Variants in CELF2 observed in about 807,000 individuals in gnomAD.
The protein encoded by CELF2 is CUG triplet repeat RNA-binding protein 2.
In CELF2, 8 loss-of-function variants were observed where a neutral mutation model predicts 62.6. The ratio of observed to expected loss-of-function variants is 0.13; its 90% CI spans 0.07 to 0.23. The LOEUF (loss-of-function observed/expected upper bound fraction) is 0.23. Ranked by LOEUF, CELF2 falls within the 10% of genes least tolerant of loss-of-function variation. The pLI, the probability that CELF2 is intolerant of heterozygous loss-of-function variation, is 1.00. For synonymous variants in CELF2, 258 were observed against 250.0 expected, an observed-to-expected ratio of 1.03 and a Z score of -0.30; for missense variants, 333 against 671.0, an observed-to-expected ratio of 0.50 and a Z score of 5.56.
At chr10:11,286,684 A>G (rs2139565803) in intron 8 of CELF2, among the ~76,000 whole-genome samples, 2 of 152,278 alleles carry the variant, frequency 1.3e-5, no homozygotes, top group South Asian at 4.2e-4. Context: ...GCACTGTGTG[A>G]CCCTTGACGA....
At chr10:10,724,034 T>C in the CELF2 span, among the ~76,000 whole-genome samples, 1 of 152,212 alleles carries the variant, frequency 6.6e-6, no homozygotes, top group African/African-American at 2.4e-5. Flanking sequence ...GTTGAATTCT[T>C]CACATTTATG....
chr10:10,546,443 G>C, the CELF2 span, among the ~76,000 whole-genome samples: 1 of 152,146 alleles, frequency 6.6e-6, no homozygotes, highest in African/African-American at 2.4e-5. Context: ...AGTTTTCATG[G>C]TCATTGGTGA....
At chr10:11,273,714 T>TG (rs1555042452) in intron 7 of CELF2, among the ~76,000 whole-genome samples, 4 of 143,406 alleles carry the variant, frequency 2.8e-5, no homozygotes, top group African/African-American at 5.4e-5. Flanking sequence ...CTGAAAGTTT[T>TG]GTTTTTTTGT....
Position 11,297,737 on chromosome 10 carries a change from G to A in CELF2, c.976+9185G>A, listed in dbSNP as rs745780676. On this transcript the variant is annotated intron_variant, in intron 9 of 12. Coordinates refer to ENST00000633077, the MANE Select transcript of CELF2 (RefSeq NM_001326342.2). This position sits in a 1 kb window ranked among gnomAD's most constrained non-coding sequence, Gnocchi z 4.4. ...TGTAATCCCAGCACTTTGGGAGGCT[G>A]AGGCAGGAGTTCCTTGAGGAACTCC... is the stretch of plus-strand genomic sequence containing the variant. Among the ~76,000 whole-genome samples the A allele has an allele frequency of 6.6e-6, 1 of 152,226 alleles. No homozygotes were observed. Among genetic ancestry groups the A allele is most frequent in the Non-Finnish European group, 1.5e-5 (1 of 68,038 alleles).
At chr10:10,591,448 A>T in the CELF2 span, among the ~76,000 whole-genome samples, 1 of 152,150 alleles carries the variant, frequency 6.6e-6, no homozygotes, top group African/African-American at 2.4e-5. Flanking sequence ...GTATACATAC[A>T]TATAGATGTA....
chr10:10,623,928 G>A, the CELF2 span, among the ~76,000 whole-genome samples: 2 of 152,218 alleles, frequency 1.3e-5, no homozygotes, highest in East Asian at 3.8e-4. Flanking sequence ...AACCCAGGTA[G>A]TCTGACTGCA....
chr10:11,009,317 T>TTGTG (rs753208265), intron 1 of CELF2, among the ~76,000 whole-genome samples: 4 of 133,774 alleles, frequency 3.0e-5, no homozygotes, highest in South Asian at 2.1e-4. Context: ...AAGATGGAAG[T>TTGTG]TGTGTGTGTG....
intron 4 of CELF2, among the ~76,000 whole-genome samples, chr10:11,251,417 A>AAGGGATTTTTTTTTTTTTTTTTTTT (rs2077122822): frequency 6.6e-6 from 1 of 151,838 alleles, no homozygotes; most frequent in African/African-American, 2.4e-5. Context: ...GTCCCTGAGA[A>AAGGGATTTTTTTTTTTTTTTTTTTT]TCACATTTGC....
chr10:10,693,844 G>A, the CELF2 span, among the ~76,000 whole-genome samples: 2 of 151,834 alleles, frequency 1.3e-5, no homozygotes, highest in Non-Finnish European at 2.9e-5. Flanking sequence ...ATTTCCGTGG[G>A]ATCAGTAGTG....
At chr10:10,857,857 A>G (rs143316733) in intron 1 of CELF2, among the ~76,000 whole-genome samples, 1,535 of 151,754 alleles carry the variant, frequency 0.01, 25 homozygotes, top group African/African-American at 0.035. Flanking sequence ...AAAGGTAAAC[A>G]TGAACACACA....
Position 11,247,853 on chromosome 10 carries a change from C to T in CELF2, c.355-1300C>T, listed in dbSNP as rs2076080850. Among the ~76,000 whole-genome samples the T allele has an allele frequency of 6.6e-6, 1 of 152,200 alleles. No individual in the cohort carries two copies. The highest frequency in any genetic ancestry group is 2.4e-5 in the African/African-American group (1 of 41,442). On this transcript the variant is annotated intron_variant, in intron 3 of 12. Transcript: ENST00000633077. This position sits in a 1 kb window ranked among gnomAD's most constrained non-coding sequence, Gnocchi z 5.4. ...TCACATTCCTCAGCCCAACTCATGGCTTTCCACAGGTGACTTGTCCTGCTT... is the reference window on the plus strand; with the variant it reads ...TCACATTCCTCAGCCCAACTCATGGTTTTCCACAGGTGACTTGTCCTGCTT...
chr10:10,778,030 T>A, the CELF2 span, among the ~76,000 whole-genome samples: 7 of 152,264 alleles, frequency 4.6e-5, no homozygotes, highest in South Asian at 1.2e-3. Context: ...ATGTCTCCTG[T>A]TAAGTATAGA....
chr10:10,755,516 T>C, the CELF2 span, among the ~76,000 whole-genome samples: 4 of 152,210 alleles, frequency 2.6e-5, no homozygotes, highest in Non-Finnish European at 4.4e-5. Flanking sequence ...TCTGCTCTCC[T>C]GCGTCTGCTG....
the CELF2 span, among the ~76,000 whole-genome samples, chr10:10,600,154 A>G: frequency 6.6e-6 from 1 of 152,234 alleles, no homozygotes; most frequent in East Asian, 1.9e-4. Context: ...TGTCCTCAGG[A>G]AAGTGCAGAG....
intron 1 of CELF2, among the ~76,000 whole-genome samples, chr10:11,141,283 A>G (rs2061318638): frequency 6.6e-6 from 1 of 152,166 alleles, no homozygotes; most frequent in African/African-American, 2.4e-5. Context: ...AGGATTTGGC[A>G]AAAGGAATAA....
intron 1 of CELF2, among the ~76,000 whole-genome samples, chr10:11,153,366 T>A (rs2063700903): frequency 6.6e-6 from 1 of 152,184 alleles, no homozygotes; most frequent in African/African-American, 2.4e-5. Flanking sequence ...GTCTGACATT[T>A]ATCTTATAAT....
At chr10:10,506,143 GA>G in the CELF2 span, among the ~76,000 whole-genome samples, 30 of 151,358 alleles carry the variant, frequency 2.0e-4, no homozygotes, top group African/African-American at 7.0e-4. Context: ...GCAAAATGAA[GA>G]AAAAAAATTT....
chr10:10,506,670 ATTT>A, the CELF2 span, among the ~76,000 whole-genome samples: 92 of 64,566 alleles, frequency 1.4e-3, 1 homozygote, highest in African/African-American at 3.2e-3. Flanking sequence ...CCTCCTGTGA[ATTT>A]TTTTTTTTTT....
the CELF2 span, among the ~76,000 whole-genome samples, chr10:10,728,473 AAG>A: frequency 5.4e-5 from 8 of 148,440 alleles, no homozygotes; most frequent in African/African-American, 2.0e-4. Flanking sequence ...AAAAAAAAAA[AAG>A]AGAGAGAAAA....
Sources: gnomAD v4.1 joint callset for allele counts (sites outside exome capture counted in the v4.1 genomes callset) on GRCh38, gnomAD v4.1.1 for gene constraint, Gnocchi (gnomAD v3.1) non-coding constraint, MANE v1.5 for transcripts, NCBI Gene and HGNC (gene_info 2026-07-23, HGNC 2026-07-21) for gene names.